PVT1: variants seen among roughly 807,000 people sequenced by gnomAD.
PVT1 encodes the protein Pvt1 oncogene.
At position 128,025,086 on chromosome 8, in the gene PVT1, G is replaced by A. The variant is rs72720879; in HGVS notation, n.912+35795G>A. 9.4e-3 allele frequency among the ~76,000 whole-genome samples: 1,437 copies of A among 152,314 alleles called. 20 individuals carry two copies. Among genetic ancestry groups the A allele is most frequent in the East Asian group, 0.077 (398 of 5,170 alleles). On this transcript the variant is annotated intron_variant and non_coding_transcript_variant, in intron 4 of 10. Transcript: ENST00000651587. ...CTGCCCCGGCATCTACCTATCCTTCGTTCTGCCTGCCAGCTCAGAGGGTGG... is the reference window on the plus strand; with the variant it reads ...CTGCCCCGGCATCTACCTATCCTTCATTCTGCCTGCCAGCTCAGAGGGTGG...
chr8:127,969,465 A>G (rs1240914041), intron 3 of PVT1, among the ~76,000 whole-genome samples: 1 of 152,054 alleles, frequency 6.6e-6, no homozygotes, highest in African/African-American at 2.4e-5. Flanking sequence ...GCCACCACAT[A>G]TCATGTTCTG....
At chr8:128,087,578 G>A (rs1751584870) in intron 5 of PVT1, among the ~76,000 whole-genome samples, 1 of 152,022 alleles carries the variant, frequency 6.6e-6, no homozygotes, top group Non-Finnish European at 1.5e-5. Context: ...AAAAGCTCAA[G>A]CAAACTCTTA....
intron 6 of PVT1, among the ~76,000 whole-genome samples, chr8:128,097,345 GA>G (rs1214794585): frequency 1.2e-4 from 18 of 152,128 alleles, no homozygotes; most frequent in Non-Finnish European, 2.4e-4. Flanking sequence ...CTGGGCGACA[GA>G]GTGAGACTAC....
At chr8:127,803,128 T>TTTC (rs1554587903) in intron 2 of PVT1, 3 of 139,514 alleles carry the variant, frequency 2.2e-5, no homozygotes, top group African/African-American at 8.1e-5. Context: ...TTTCTTTCTT[T>TTTC]TTTTTTTTTT....
At position 127,832,889 on chromosome 8, in the gene PVT1, G is replaced by A. The variant is rs537061270; in HGVS notation, n.372+36818G>A. Among the ~76,000 whole-genome samples the A allele has an allele frequency of 3.3e-5, 5 of 152,220 alleles. No individual in the cohort carries two copies. In the South Asian group the frequency reaches 8.3e-4, roughly 25 times the overall value. ...AAAAAAAAAAATTCTTGCACAATTG[G>A]ATAAGGTAAATAGAATTCAGGTATT... is the stretch of plus-strand genomic sequence containing the variant. On this transcript the variant is annotated intron_variant and non_coding_transcript_variant, in intron 2 of 10. Transcript: ENST00000651587.
rs561549421 is a variant in PVT1 at position 127,880,450 on chromosome 8, C to A, written n.373-10139C>A. ...GACTACAGGCGCTCGCCACCACGCC[C>A]GGCTAATTTTTTTTTTTTTGTATTT... On this transcript the variant is annotated intron_variant and non_coding_transcript_variant, in intron 2 of 10. Coordinates refer to ENST00000651587, the Ensembl canonical transcript of PVT1. Among the ~76,000 whole-genome samples, 37 of 149,076 alleles carry A rather than the reference C, an allele frequency of 2.5e-4. 1 individual carries two copies. The highest frequency in any genetic ancestry group is 8.8e-5 in the Non-Finnish European group (6 of 67,908).
chr8:128,093,819 G>A (rs1171682889), intron 5 of PVT1, among the ~76,000 whole-genome samples: 1 of 151,990 alleles, frequency 6.6e-6, no homozygotes, highest in South Asian at 2.1e-4. Flanking sequence ...TGTATTTTTA[G>A]TAGAGACAGG....
rs991324403 is a variant in PVT1 at position 128,083,219 on chromosome 8, G to A, written n.1114+12858G>A. 2.0e-5 allele frequency among the ~76,000 whole-genome samples: 3 copies of A among 152,332 alleles called. No homozygotes were observed. The South Asian group carries it at 6.2e-4, about 32-fold the overall frequency. On this transcript the variant is annotated intron_variant and non_coding_transcript_variant, in intron 5 of 10. Coordinates refer to ENST00000651587, the Ensembl canonical transcript of PVT1. ...GATAATAGTGATACTGAATTCATAT[G>A]ATTGTTAGGATCATCGAATGGCTAA... is the stretch of plus-strand genomic sequence containing the variant.
chr8:127,803,275 CCCG>C, intron 2 of PVT1: 1 of 151,560 alleles, frequency 6.6e-6, no homozygotes, highest in East Asian at 2.0e-4. Context: ...ACTACAGGCA[CCCG>C]CCCACCACGC....
At chr8:128,013,558 A>T (rs6984736) in intron 4 of PVT1, among the ~76,000 whole-genome samples, 3 of 152,116 alleles carry the variant, frequency 2.0e-5, no homozygotes, top group African/African-American at 7.2e-5. Context: ...CAAGAGAGAC[A>T]CAATCTCTGC....
intron 2 of PVT1, among the ~76,000 whole-genome samples, chr8:127,833,616 G>C (rs1814877902): frequency 1.3e-5 from 2 of 152,140 alleles, no homozygotes; most frequent in Non-Finnish European, 1.5e-5. Context: ...ATGATGCCCA[G>C]CTAATTTTTG....
At chr8:127,845,115 CT>C (rs2129722747) in intron 2 of PVT1, among the ~76,000 whole-genome samples, 1 of 152,200 alleles carries the variant, frequency 6.6e-6, no homozygotes, top group African/African-American at 2.4e-5. Flanking sequence ...GGAAAGGTTT[CT>C]TAAATGAGGT....
intron 3 of PVT1, among the ~76,000 whole-genome samples, chr8:127,896,194 T>C (rs1563632917): frequency 6.6e-6 from 1 of 152,180 alleles, no homozygotes; most frequent in Non-Finnish European, 1.5e-5. Flanking sequence ...ACTGAGGGCT[T>C]ACTATGTCCT....
At chr8:127,965,727 C>T (rs554070330) in intron 3 of PVT1, among the ~76,000 whole-genome samples, 2 of 152,158 alleles carry the variant, frequency 1.3e-5, no homozygotes, top group Non-Finnish European at 2.9e-5. Context: ...GCTGGGTGTC[C>T]GAGCCTCTGC....
intron 3 of PVT1, among the ~76,000 whole-genome samples, chr8:127,938,141 A>G (rs1774717451): frequency 1.3e-5 from 2 of 152,102 alleles, no homozygotes; most frequent in African/African-American, 4.8e-5. Context: ...GTTTTTTCCT[A>G]GGGCTGGGAT....
intron 3 of PVT1, among the ~76,000 whole-genome samples, chr8:127,986,917 A>T (rs937999568): frequency 7.2e-5 from 11 of 152,148 alleles, no homozygotes; most frequent in Non-Finnish European, 1.5e-4. Flanking sequence ...GTGCTGGGTT[A>T]TTGCAACCCC....
At chr8:127,860,260 G>C (rs2129749818) in intron 2 of PVT1, among the ~76,000 whole-genome samples, 1 of 152,300 alleles carries the variant, frequency 6.6e-6, no homozygotes, top group East Asian at 1.9e-4. Context: ...TGGGCACTGG[G>C]GTGCGGTGTG....
At chr8:127,838,344 A>C (rs901139401) in intron 2 of PVT1, among the ~76,000 whole-genome samples, 1 of 152,098 alleles carries the variant, frequency 6.6e-6, no homozygotes, top group Non-Finnish European at 1.5e-5. Flanking sequence ...TGTGCTCAGA[A>C]TTGTTGGGAA....
rs186643756 is a variant in PVT1 at position 127,897,654 on chromosome 8, G to T, written n.782+6656G>T. Reference sequence around the variant, plus strand: ...AAGACAGACAAAGAAAGAAAGACAGGAAGGAAGGAAGAAAGGAAAGAAAGA... The same window carrying T: ...AAGACAGACAAAGAAAGAAAGACAGTAAGGAAGGAAGAAAGGAAAGAAAGA... On this transcript the variant is annotated intron_variant and non_coding_transcript_variant, in intron 3 of 10. Coordinates refer to ENST00000651587, the Ensembl canonical transcript of PVT1. Among the ~76,000 whole-genome samples the T allele has an allele frequency of 4.3e-3, 640 of 148,384 alleles. 1 individual carries two copies. The highest frequency in any genetic ancestry group is 0.015 in the African/African-American group (597 of 40,386).
Sources: allele counts gnomAD v4.1 joint callset (sites outside exome capture counted in the v4.1 genomes callset), GRCh38; gene constraint gnomAD v4.1.1; transcripts MANE v1.5; gene names NCBI Gene and HGNC (gene_info 2026-07-23, HGNC 2026-07-21).